SKP1: variants seen among roughly 807,000 people sequenced by gnomAD.
SKP1 encodes S-phase kinase-associated protein 1.
A neutral mutation model predicts 21.5 loss-of-function variants in SKP1; 1 was observed. That is an observed-to-expected ratio of 0.05 (90% CI 0.02 to 0.22). The LOEUF (loss-of-function observed/expected upper bound fraction) is 0.22. Ranked by LOEUF, SKP1 falls within the 10% of genes least tolerant of loss-of-function variation. SKP1 has a pLI of 1.00. For missense variants in SKP1, 70 were observed against 192.0 expected (o/e 0.36, Z 3.76); for synonymous variants, 59 against 59.3 (o/e 0.99, Z 0.03).
intron 5 of SKP1, 89 bp from the exon 6 acceptor site, chr5:134,157,857 G>A (rs544228511): frequency 6.2e-7 from 1 of 1,609,760 alleles, no homozygotes; most frequent in Admixed American, 1.7e-5. Flanking sequence ...TCGATAGCCA[G>A]TGAGTTGAGT....
chr5:134,154,318 T>C lies in SKP1; in HGVS notation c.*3415A>G, dbSNP rs1219283788. 2 of 151,752 alleles carry C rather than the reference T, an allele frequency of 1.3e-5. No individual in the cohort carries two copies. The highest frequency in any genetic ancestry group is 1.3e-4 in the Admixed American group (2 of 15,216). 9.4% of individuals were successfully genotyped at this position (151,752 alleles called of 1,614,324 possible). A position where few individuals can be genotyped will look rare whatever the true frequency, so the allele number is the denominator to read the frequency against. ...AAAAAATTAGCCAGGCATGGTGGCATGTGCCTGTAATCCCAGCTACTCGGG... is the reference window on the plus strand; with the variant it reads ...AAAAAATTAGCCAGGCATGGTGGCACGTGCCTGTAATCCCAGCTACTCGGG... On this transcript the variant is annotated 3_prime_UTR_variant, in exon 6 of 6. Transcript: ENST00000353411.
chr5:134,160,954 A>G, intron 4 of SKP1, 33 bp downstream of exon 4: 1 of 1,528,096 alleles, frequency 6.5e-7, no homozygotes, highest in Non-Finnish European at 9.0e-7. Context: ...TAAAGGCTCT[A>G]GAGTAGAGCT....
rs1260888231 is a variant in SKP1 at position 134,149,672 on chromosome 5, C to A, written c.*8061G>T. On this transcript the variant is annotated 3_prime_UTR_variant, in exon 6 of 6. Coordinates refer to ENST00000353411, the MANE Select transcript of SKP1 (RefSeq NM_170679.3). ...GACATCTGTCCCATTTTAAAGAATT[C>A]TGTTCTGGCTACTGGCCTAGTTGTT... 6.6e-6 allele frequency: 1 copy of A among 152,232 alleles called. No homozygotes were observed. Among genetic ancestry groups the A allele is most frequent in the African/African-American group, 2.4e-5 (1 of 41,454 alleles). The allele number at this position is 152,232 out of a possible 1,614,324, so 9.4% of individuals were successfully genotyped here.
chr5:134,167,194 A>G lies in SKP1; in HGVS notation c.147T>C (p.Asn49=), dbSNP rs1040970893. The change falls in exon 3 of 6, where the codon AAT becomes AAC. Residue 49 remains asparagine (N), a synonymous_variant. Transcript: ENST00000353411. The part of the protein sequence containing the change: ...EGDDDPVPLP[N]VNAAILKKVI... ...CCTTTTTTAATATTGCTGCATTCAC[A>G]TTTGGTAGAGGAACTGGGTCATCAT... 8 of 1,605,516 alleles carry G rather than the reference A, an allele frequency of 5.0e-6. No homozygotes were observed. Among genetic ancestry groups the G allele is most frequent in the Non-Finnish European group, 6.0e-6 (7 of 1,172,364 alleles).
intron 3 of SKP1, chr5:134,161,695 C>T (rs530974741): frequency 6.6e-6 from 1 of 152,312 alleles, no homozygotes; most frequent in South Asian, 2.1e-4. Flanking sequence ...TAATCCAGCA[C>T]TCCTCAGAAA....
rs2149372076 is a variant in SKP1 at position 134,155,171 on chromosome 5, C to T, written c.*2562G>A. ...CTAAAACTCCAGCCTCAAGGTATGA[C>T]TTAATGCCACAATATTAGTTTAGAA... On this transcript the variant is annotated 3_prime_UTR_variant, in exon 6 of 6. Coordinates refer to ENST00000353411, the MANE Select transcript of SKP1 (RefSeq NM_170679.3). 6.6e-6 allele frequency: 1 copy of T among 152,282 alleles called. No individual in the cohort carries two copies. The highest frequency in any genetic ancestry group is 1.9e-4 in the East Asian group (1 of 5,192). 9.4% of individuals were successfully genotyped at this position (152,282 alleles called of 1,614,324 possible).
At chr5:134,165,925 G>A (rs1761322006) in intron 3 of SKP1, among the ~76,000 whole-genome samples, 1 of 151,274 alleles carries the variant, frequency 6.6e-6, no homozygotes, top group Non-Finnish European at 1.5e-5. Flanking sequence ...CAGGCATGGT[G>A]GCTCCACCTG....
At position 134,165,994 on chromosome 5, in the gene SKP1, A is replaced by G. The variant is rs1761324166; in HGVS notation, c.171+1176T>C. ...GATCGTCTGAGGTCAGGAGTTGGAGACCAGCCTGGCCAACATGGTGAAAAC... is the reference window on the plus strand; with the variant it reads ...GATCGTCTGAGGTCAGGAGTTGGAGGCCAGCCTGGCCAACATGGTGAAAAC... On this transcript the variant is annotated intron_variant, in intron 3 of 5. Coordinates refer to ENST00000353411, the MANE Select transcript of SKP1 (RefSeq NM_170679.3). Among the ~76,000 whole-genome samples the G allele has an allele frequency of 2.0e-5, 3 of 151,786 alleles. No homozygotes were observed. The South Asian group carries it at 6.2e-4, about 32-fold the overall frequency.
At chr5:134,173,761 G>A (rs1031379997) in intron 2 of SKP1, 165 bp downstream of exon 2, 2 of 695,616 alleles carry the variant, frequency 2.9e-6, no homozygotes, top group Non-Finnish European at 5.4e-6. Context: ...ATGCAGAAAG[G>A]ATGACCTGTA....
intron 2 of SKP1, among the ~76,000 whole-genome samples, chr5:134,170,237 T>C (rs1315278641): frequency 6.6e-6 from 1 of 152,222 alleles, no homozygotes; most frequent in Non-Finnish European, 1.5e-5. Context: ...TAATTTTTTA[T>C]TTTTTGTAAA....
intron 4 of SKP1, 74 bp downstream of exon 4, chr5:134,160,913 A>G: frequency 9.8e-7 from 1 of 1,019,656 alleles, no homozygotes; most frequent in African/African-American, 1.6e-5. Flanking sequence ...GTGTCAATGA[A>G]GTTAGCAAAT....
chr5:134,157,012 C>CA lies in SKP1; in HGVS notation c.*720dup, dbSNP rs1761131599. 1 of 152,630 alleles carries CA rather than the reference C, an allele frequency of 6.6e-6. No individual in the cohort carries two copies. The allele number at this position is 152,630 out of a possible 1,614,324, so 9.5% of individuals were successfully genotyped here. A position where few individuals can be genotyped will look rare whatever the true frequency, so the allele number is the denominator to read the frequency against. On this transcript the variant is annotated 3_prime_UTR_variant, in exon 6 of 6. Coordinates refer to ENST00000353411, the MANE Select transcript of SKP1 (RefSeq NM_170679.3). Reference sequence around the variant, plus strand: ...GTGAATAATTTTCTCCACATGGGAACACTAATTATAAAAAGATGACATCCC... The same window carrying CA: ...GTGAATAATTTTCTCCACATGGGAACAACTAATTATAAAAAGATGACATCCC...
In SKP1 at chr5:134,155,728, A is replaced by G. The variant is rs1160406313; in HGVS notation, c.*2005T>C. On this transcript the variant is annotated 3_prime_UTR_variant, in exon 6 of 6. Transcript: ENST00000353411. ...GAAGGTGATACTTCCTTTACAAGTT[A>G]AACATGGCATATGGCAGTAATCCTG... is the stretch of plus-strand genomic sequence containing the variant. The G allele has an allele frequency of 6.6e-6, 1 of 152,204 alleles. No homozygotes were observed. Among genetic ancestry groups the G allele is most frequent in the South Asian group, 2.1e-4 (1 of 4,832 alleles). 9.4% of individuals were successfully genotyped at this position (152,204 alleles called of 1,614,324 possible).
intron 3 of SKP1, among the ~76,000 whole-genome samples, chr5:134,166,195 A>T (rs1761327532): frequency 6.6e-6 from 1 of 152,018 alleles, no homozygotes; most frequent in East Asian, 1.9e-4. Context: ...AAAAAAAAAA[A>T]AGATGCTATA....
intron 1 of SKP1, among the ~76,000 whole-genome samples, chr5:134,176,002 A>C (rs1761535664): frequency 6.6e-6 from 1 of 152,188 alleles, no homozygotes; most frequent in African/African-American, 2.4e-5. Context: ...ACAGTGGAGG[A>C]GACGGTATTG....
chr5:134,171,072 AG>A, intron 2 of SKP1: 1 of 454,930 alleles, frequency 2.2e-6, no homozygotes, highest in Non-Finnish European at 4.4e-6. Context: ...ACAACTTAAT[AG>A]AAGTTATCTT....
intron 2 of SKP1, among the ~76,000 whole-genome samples, chr5:134,167,528 G>GT (rs200685045): frequency 0.072 from 10,551 of 145,728 alleles, 370 homozygotes; most frequent in African/African-American, 0.092. Flanking sequence ...CTAGAGAGGG[G>GT]TTTTTTTTTT....
At position 134,151,918 on chromosome 5, in the gene SKP1, A is replaced by G. The variant is rs1761050240; in HGVS notation, c.*5815T>C. The G allele has an allele frequency of 6.5e-6, 2 of 307,862 alleles. No individual in the cohort carries two copies. Among genetic ancestry groups the G allele is most frequent in the Non-Finnish European group, 1.3e-5 (2 of 150,454 alleles). The allele number at this position is 307,862 out of a possible 1,614,324, so 19.1% of individuals were successfully genotyped here. A position where few individuals can be genotyped will look rare whatever the true frequency, so the allele number is the denominator to read the frequency against. ...CACTTTTCGGCCACCACTAATGATC[A>G]TCTCCACTGATGCCTCAGCAGAAAG... On this transcript the variant is annotated 3_prime_UTR_variant, in exon 6 of 6. Transcript: ENST00000353411.
intron 5 of SKP1, 44 bp from the exon 6 acceptor site, chr5:134,157,812 T>C: frequency 6.2e-7 from 1 of 1,613,196 alleles, no homozygotes; most frequent in Middle Eastern, 1.7e-4. Context: ...TTGAGTAGTC[T>C]TTCCTAAGAC....
Sources: allele counts gnomAD v4.1 joint callset (sites outside exome capture counted in the v4.1 genomes callset), GRCh38; gene constraint gnomAD v4.1.1; transcripts MANE v1.5; gene names NCBI Gene and HGNC (gene_info 2026-07-23, HGNC 2026-07-21).